SPAG16: variants seen among roughly 807,000 people sequenced by gnomAD.
SPAG16 encodes the protein sperm-associated antigen 16 protein.
A neutral mutation model predicts 80.4 loss-of-function variants in SPAG16; 86 were observed. The observed-to-expected ratio is 1.07, with a 90% CI of 0.90 to 1.28. SPAG16 has a LOEUF of 1.28. Among genes scored for constraint, SPAG16 ranks in the 50% most tolerant of loss-of-function variants. The pLI, the probability that SPAG16 is intolerant of heterozygous loss-of-function variation, is 0.00. For missense variants in SPAG16, 870 were observed against 765.3 expected, an observed-to-expected ratio of 1.14 and a Z score of -1.61; for synonymous variants, 294 against 265.9, an observed-to-expected ratio of 1.11 and a Z score of -1.03.
intron 11 of SPAG16, among the ~76,000 whole-genome samples, chr2:213,912,684 T>G (rs562862641): frequency 6.6e-6 from 1 of 152,244 alleles, no homozygotes; most frequent in Admixed American, 6.5e-5. Flanking sequence ...AAAATAGCCA[T>G]TGAGTAGTTA....
intron 10 of SPAG16, among the ~76,000 whole-genome samples, chr2:213,763,872 C>G (rs1305633044): frequency 6.6e-6 from 1 of 152,100 alleles, no homozygotes; most frequent in East Asian, 1.9e-4. Context: ...TTGTGAGAAG[C>G]AAATGAAATA....
At position 214,326,105 on chromosome 2, in the gene SPAG16, T is replaced by G. The variant is rs529898214; in HGVS notation, c.1721-84035T>G. Among the ~76,000 whole-genome samples the G allele has an allele frequency of 2.0e-5, 3 of 152,302 alleles. No individual in the cohort carries two copies. In the South Asian group the frequency reaches 6.2e-4, roughly 32 times the overall value. ...CCATCCTATAATGTGTCAGTGTCAT[T>G]TTATCTGTAAAAAGCATCTTTTTAG... is the stretch of plus-strand genomic sequence containing the variant. On this transcript the variant is annotated intron_variant, in intron 15 of 15. Transcript: ENST00000331683.
At chr2:213,698,660 A>C (rs1380396921) in intron 10 of SPAG16, among the ~76,000 whole-genome samples, 1 of 152,136 alleles carries the variant, frequency 6.6e-6, no homozygotes, top group East Asian at 1.9e-4. Context: ...TGACACTCTT[A>C]GTACTCACCT....
chr2:213,940,517 A>G (rs1344016101), intron 12 of SPAG16, among the ~76,000 whole-genome samples: 1 of 152,134 alleles, frequency 6.6e-6, no homozygotes, highest in Non-Finnish European at 1.5e-5. Flanking sequence ...CTGGTGTCCA[A>G]TCACTGGCCC....
intron 10 of SPAG16, among the ~76,000 whole-genome samples, chr2:213,763,437 A>G (rs2068765734): frequency 6.6e-6 from 1 of 152,206 alleles, no homozygotes; most frequent in Non-Finnish European, 1.5e-5. Context: ...ATAGAAAGAA[A>G]AATACTGCAT....
intron 12 of SPAG16, among the ~76,000 whole-genome samples, chr2:213,959,777 TG>T (rs2044322245): frequency 6.6e-6 from 1 of 152,196 alleles, no homozygotes; most frequent in African/African-American, 2.4e-5. Context: ...TCATGCACTT[TG>T]GTTTCACTTC....
chr2:214,102,754 C>G (rs372164611), intron 13 of SPAG16, among the ~76,000 whole-genome samples: 2 of 151,458 alleles, frequency 1.3e-5, no homozygotes, highest in East Asian at 3.9e-4. Context: ...AAGAATTCGA[C>G]TGAGGGGCAT....
At chr2:213,340,368 C>T (rs1034613102) in intron 6 of SPAG16, 98 bp downstream of exon 6, 20 of 848,244 alleles carry the variant, frequency 2.4e-5, no homozygotes, top group African/African-American at 5.2e-5. Flanking sequence ...ATTAATTCCA[C>T]GGTTATTGAG....
At chr2:213,439,890 T>G (rs2070837511) in intron 9 of SPAG16, among the ~76,000 whole-genome samples, 1 of 152,172 alleles carries the variant, frequency 6.6e-6, no homozygotes, top group South Asian at 2.1e-4. Context: ...CAAAATGCCA[T>G]TTACAATTAC....
chr2:213,644,921 G>C (rs1409339793), intron 10 of SPAG16, among the ~76,000 whole-genome samples: 1 of 152,190 alleles, frequency 6.6e-6, no homozygotes, highest in Non-Finnish European at 1.5e-5. Context: ...AACCAGCCAG[G>C]CCTGTGTCCT....
chr2:213,480,809 C>A (rs753202503), intron 9 of SPAG16, among the ~76,000 whole-genome samples: 19 of 152,074 alleles, frequency 1.2e-4, no homozygotes, highest in Admixed American at 8.5e-4. Flanking sequence ...AATTTACTGT[C>A]CAGGATTATT....
chr2:213,850,376 A>G (rs1416017933), intron 10 of SPAG16, among the ~76,000 whole-genome samples: 1 of 152,230 alleles, frequency 6.6e-6, no homozygotes, highest in Non-Finnish European at 1.5e-5. Flanking sequence ...TGACACAGAA[A>G]ACTTCAAAAA....
chr2:213,684,704 T>G (rs926538320), intron 10 of SPAG16, among the ~76,000 whole-genome samples: 1 of 152,210 alleles, frequency 6.6e-6, no homozygotes, highest in African/African-American at 2.4e-5. Flanking sequence ...TGTGTTACAT[T>G]AAGTCATTAC....
intron 10 of SPAG16, among the ~76,000 whole-genome samples, chr2:213,645,463 G>A (rs1018849586): frequency 6.6e-6 from 1 of 152,158 alleles, no homozygotes; most frequent in Admixed American, 6.5e-5. Context: ...TTAGTTAGCA[G>A]GTGATGAATG....
intron 15 of SPAG16, among the ~76,000 whole-genome samples, chr2:214,360,136 A>G (rs73089208): frequency 0.017 from 2,645 of 152,008 alleles, 76 homozygotes; most frequent in African/African-American, 0.06. Flanking sequence ...ACGAATAATT[A>G]TTGTAATATG....
rs146780012 is a variant in SPAG16 at position 214,104,726 on chromosome 2, C to T, written c.1528-3470C>T. 9.2e-5 allele frequency among the ~76,000 whole-genome samples: 14 copies of T among 152,162 alleles called. No homozygotes were observed. The East Asian group carries it at 2.7e-3, about 29-fold the overall frequency. On this transcript the variant is annotated intron_variant, in intron 13 of 15. Coordinates refer to ENST00000331683, the MANE Select transcript of SPAG16 (RefSeq NM_024532.5). ...TAGTAAATCAACAAGTCTTCTTTTGCTTATTATGTCTGACGTGCTGCATCA... is the reference window on the plus strand; with the variant it reads ...TAGTAAATCAACAAGTCTTCTTTTGTTTATTATGTCTGACGTGCTGCATCA...
At chr2:214,390,333 T>TTTTC (rs1700998488) in intron 15 of SPAG16, among the ~76,000 whole-genome samples, 2 of 133,970 alleles carry the variant, frequency 1.5e-5, no homozygotes, top group Non-Finnish European at 3.1e-5. Context: ...TGGGTATGCT[T>TTTTC]TTTTTTTTAA....
intron 10 of SPAG16, among the ~76,000 whole-genome samples, chr2:213,698,505 G>A (rs761559439): frequency 1.3e-5 from 2 of 152,064 alleles, no homozygotes; most frequent in Non-Finnish European, 2.9e-5. Context: ...CAAGCAATCC[G>A]CCTTCCTCAG....
chr2:213,988,757 T>C (rs2046143475), intron 12 of SPAG16, among the ~76,000 whole-genome samples: 1 of 151,922 alleles, frequency 6.6e-6, no homozygotes. Context: ...ACAGGATCTG[T>C]ATGTTGAAAA....
Sources: allele counts gnomAD v4.1 joint callset (sites outside exome capture counted in the v4.1 genomes callset), GRCh38; gene constraint gnomAD v4.1.1; transcripts MANE v1.5; gene names NCBI Gene and HGNC (gene_info 2026-07-23, HGNC 2026-07-21).